Variants in PLPP2 observed in about 807,000 individuals in gnomAD.
PLPP2 encodes the protein PAP2-gamma.
Under a neutral mutation model 35.2 loss-of-function variants are expected in PLPP2, and 29 were observed. The observed-to-expected ratio is 0.82, with a 90% confidence interval of 0.61 to 1.12. PLPP2 has a LOEUF of 1.12. Among genes scored for constraint, PLPP2 ranks in the 50% most tolerant of loss-of-function variants. PLPP2 has a pLI of 0.00. For missense variants in PLPP2, 353 were observed against 375.2 expected (o/e 0.94, Z 0.49); for synonymous variants, 162 against 167.0 (o/e 0.97, Z 0.23).
At chr19:284,505 C>G (rs753562117) in intron 3 of PLPP2, 2 of 152,172 alleles carry the variant, frequency 1.3e-5, no homozygotes, top group African/African-American at 2.4e-5. Flanking sequence ...AACTTCTGGG[C>G]TCCAGCGATC....
At chr19:282,877 CCACAGAAGGGAGGGCTCGA>C in intron 3 of PLPP2, 68 bp from the exon 4 acceptor site, 2 of 1,469,048 alleles carry the variant, frequency 1.4e-6, no homozygotes, top group South Asian at 2.3e-5. Flanking sequence ...CCCGCCCCGC[CCACAGAAGGGAGGGCTCGA>C]CACGGAGGCT....
At position 291,383 on chromosome 19, in the gene PLPP2, C is replaced by G; in HGVS notation, c.-47G>C. 6.4e-7 allele frequency: 1 copy of G among 1,562,272 alleles called. No homozygotes were observed. The highest frequency in any genetic ancestry group is 1.5e-5 in the African/African-American group (1 of 67,282). On this transcript the variant is annotated 5_prime_UTR_variant, in exon 1 of 6. Transcript: ENST00000434325. ...CGGTCCCAGCGCGTCCCGTCGCGTC[C>G]CGGCCCGGCCGCGGAGTCACGTGGC...
chr19:287,842 G>A lies in PLPP2; in HGVS notation c.205-91C>T. On this transcript the variant is annotated intron_variant, in intron 2 of 5. Transcript: ENST00000434325. The surrounding 1 kb of genome is among the most constrained non-coding windows in gnomAD (Gnocchi z 4.3). ...CGGGCCTCCCCAAGGCTGCTGGAGA[G>A]CTGGGGACTCTGAAGGGGGCCCTAT... The A allele has an allele frequency of 1.9e-6, 3 of 1,541,702 alleles. No homozygotes were observed. The highest frequency in any genetic ancestry group is 2.5e-5 in the South Asian group (2 of 80,042).
At chr19:285,460 G>C (rs1970256033) in intron 3 of PLPP2, 1 of 151,670 alleles carries the variant, frequency 6.6e-6, no homozygotes, top group East Asian at 1.9e-4. Context: ...TATTCGGCTG[G>C]GGCCAGGTGT....
intron 1 of PLPP2, 39 bp downstream of exon 1, chr19:291,246 G>A (rs775433411): frequency 3.8e-6 from 6 of 1,598,334 alleles, no homozygotes; most frequent in Non-Finnish European, 5.1e-6. Context: ...GTCCGTCCCG[G>A]GAGGGTCCCC....
At position 288,114 on chromosome 19, in the gene PLPP2, T is replaced by C; in HGVS notation, c.110A>G (p.Tyr37Cys). Residue 37 changes from tyrosine to cysteine, a missense_variant, in exon 2 of 6, where the codon TAC becomes TGC. Physicochemically the swap from Tyr to Cys is radical, Grantham distance 194. Transcript: ENST00000434325. ...LVNAPYKRGF[Y>C]CGDDSIRYPY... ...GTACCGGATGGAGTCATCCCCGCAG[T>C]AAAATCCTCGCTTGTACGGGGCGTT... 1 of 1,612,786 alleles carries C rather than the reference T, an allele frequency of 6.2e-7. No individual in the cohort carries two copies. Among genetic ancestry groups the C allele is most frequent in the Non-Finnish European group, 8.5e-7 (1 of 1,179,370 alleles).
At chr19:286,041 C>A (rs1363742395) in intron 3 of PLPP2, 1 of 151,700 alleles carries the variant, frequency 6.6e-6, no homozygotes, top group Admixed American at 6.6e-5. Flanking sequence ...CACCTGTAAT[C>A]CCAGCTACTG....
At chr19:290,002 C>T (rs1970353284) in intron 1 of PLPP2, among the ~76,000 whole-genome samples, 1 of 152,174 alleles carries the variant, frequency 6.6e-6, no homozygotes, top group East Asian at 1.9e-4. Flanking sequence ...ACCCCCATAA[C>T]GACAGGCGCC....
Position 287,883 on chromosome 19 carries a change from C to A in PLPP2, c.205-132G>T, listed in dbSNP as rs912800113. ...GGGGCCCTATTACCCACAGGTACCA[C>A]TCAGGGCAAGGCTGTGTCCCCCGGC... On this transcript the variant is annotated intron_variant, in intron 2 of 5. Coordinates refer to ENST00000434325, the MANE Select transcript of PLPP2 (RefSeq NM_003712.4). The surrounding 1 kb of genome is among the most constrained non-coding windows in gnomAD (Gnocchi z 4.3). 59 of 1,509,144 alleles carry A rather than the reference C, an allele frequency of 3.9e-5. No homozygotes were observed. Among genetic ancestry groups the A allele is most frequent in the Non-Finnish European group, 5.2e-5 (58 of 1,118,134 alleles). 93.5% of individuals were successfully genotyped at this position (1,509,144 alleles called of 1,614,324 possible). A position where few individuals can be genotyped will look rare whatever the true frequency, so the allele number is the denominator to read the frequency against.
At chr19:289,902 C>CT (rs143668722) in intron 1 of PLPP2, among the ~76,000 whole-genome samples, 1 of 151,920 alleles carries the variant, frequency 6.6e-6, no homozygotes, top group South Asian at 2.1e-4. Flanking sequence ...GAGTGCAGCC[C>CT]GACCACAGCT....
Position 291,402 on chromosome 19 carries a change from A to C in PLPP2, c.-66T>G. Reference sequence around the variant, plus strand: ...CGCGTCCCGGCCCGGCCGCGGAGTCACGTGGCGCGGAGCCCGCCCCGCGCG... The same window carrying C: ...CGCGTCCCGGCCCGGCCGCGGAGTCCCGTGGCGCGGAGCCCGCCCCGCGCG... On this transcript the variant is annotated 5_prime_UTR_variant, in exon 1 of 6. Transcript: ENST00000434325. The C allele has an allele frequency of 2.9e-6, 4 of 1,366,720 alleles. No homozygotes were observed. The highest frequency in any genetic ancestry group is 2.9e-6 in the Non-Finnish European group (3 of 1,028,574). 84.7% of individuals were successfully genotyped at this position (1,366,720 alleles called of 1,614,324 possible).
chr19:291,261 C>T, intron 1 of PLPP2, 24 bp downstream of exon 1: 2 of 1,599,898 alleles, frequency 1.3e-6, no homozygotes, highest in Non-Finnish European at 1.7e-6. Flanking sequence ...GTCCCCCCAA[C>T]ACCCGGGTCC....
intron 4 of PLPP2, 98 bp from the exon 5 acceptor site, chr19:282,408 C>T (rs1970196151): frequency 1.4e-6 from 1 of 739,892 alleles, no homozygotes. Flanking sequence ...AGGCGCTCCC[C>T]CTCCCCCTGC....
In PLPP2 at chr19:288,002, G is replaced by A. The variant is rs890779382; in HGVS notation, c.204+18C>T. The A allele has an allele frequency of 5.6e-6, 9 of 1,608,334 alleles. No individual in the cohort carries two copies. The highest frequency in any genetic ancestry group is 1.4e-5 in the African/African-American group (1 of 73,472). On this transcript the variant is annotated intron_variant, in intron 2 of 5. Transcript: ENST00000434325. ...CCCCATCCCCCTACCCAGTCCCTCTGAGCCCCTCCTGCCTTACAAGGATGA... is the reference window on the plus strand; with the variant it reads ...CCCCATCCCCCTACCCAGTCCCTCTAAGCCCCTCCTGCCTTACAAGGATGA...
At chr19:290,088 C>A (rs1014904995) in intron 1 of PLPP2, among the ~76,000 whole-genome samples, 2 of 152,134 alleles carry the variant, frequency 1.3e-5, no homozygotes, top group African/African-American at 2.4e-5. Flanking sequence ...CCCCCGGGAG[C>A]CCTCCCGCCC....
At chr19:286,709 C>T (rs987579324) in intron 3 of PLPP2, 1 of 151,948 alleles carries the variant, frequency 6.6e-6, no homozygotes, top group East Asian at 1.9e-4. Context: ...CACCTGTAAT[C>T]CCAGCACTTT....
Position 285,639 on chromosome 19 carries a change from G to A in PLPP2, c.482+1835C>T, listed in dbSNP as rs149634912. 4.8e-5 allele frequency: 7 copies of A among 146,164 alleles called. No homozygotes were observed. The East Asian group carries it at 1.4e-3, about 30-fold the overall frequency. The allele number at this position is 146,164 out of a possible 1,614,324, so 9.1% of individuals were successfully genotyped here. ...AAAAGGAGAAAAAAAACATTATTCAGCCTGGCCGAAAAAAAGAAAAAAAAA... is the reference window on the plus strand; with the variant it reads ...AAAAGGAGAAAAAAAACATTATTCAACCTGGCCGAAAAAAAGAAAAAAAAA... On this transcript the variant is annotated intron_variant, in intron 3 of 5. Coordinates refer to ENST00000434325, the MANE Select transcript of PLPP2 (RefSeq NM_003712.4).
At chr19:283,100 T>C in intron 3 of PLPP2, 1 of 356,126 alleles carries the variant, frequency 2.8e-6, no homozygotes, top group Non-Finnish European at 5.0e-6. Context: ...CACAGTTTCA[T>C]TTTCACCATG....
At chr19:290,237 T>C (rs1970358896) in intron 1 of PLPP2, among the ~76,000 whole-genome samples, 1 of 152,140 alleles carries the variant, frequency 6.6e-6, no homozygotes, top group Middle Eastern at 3.2e-3. Flanking sequence ...ATCTCGGCTG[T>C]ACCTCCCGCT....
Sources: allele counts gnomAD v4.1 joint callset (sites outside exome capture counted in the v4.1 genomes callset), GRCh38; gene constraint gnomAD v4.1.1; non-coding constraint Gnocchi (gnomAD v3.1); transcripts MANE v1.5; gene names NCBI Gene and HGNC (gene_info 2026-07-23, HGNC 2026-07-21).